Variants in HYDIN observed in about 807,000 individuals in gnomAD.
HYDIN encodes the protein axonemal central pair apparatus protein HYDIN.
In HYDIN, 132 loss-of-function variants were observed where a neutral mutation model predicts 403.9. The observed-to-expected ratio is 0.33, with a 90% CI of 0.28 to 0.38. The LOEUF (loss-of-function observed/expected upper bound fraction) is 0.38. Among genes scored for constraint, HYDIN ranks in the 10% least tolerant of loss-of-function variants. HYDIN has a pLI of 1.00. For missense variants in HYDIN, 2,827 were observed against 5,009.5 expected, an observed-to-expected ratio of 0.56 and a Z score of 13.15; for synonymous variants, 1,202 against 1,891.7, an observed-to-expected ratio of 0.64 and a Z score of 9.46.
chr16:70,834,905 CACACACATATAT>C (rs1156970924), intron 78 of HYDIN, among the ~76,000 whole-genome samples: 3 of 145,568 alleles, frequency 2.1e-5, no homozygotes, highest in Admixed American at 1.4e-4. Flanking sequence ...TATATATACA[CACACACATATAT>C]ACACACATAT....
chr16:71,134,272 T>C (rs528022309), intron 8 of HYDIN, among the ~76,000 whole-genome samples: 1 of 151,276 alleles, frequency 6.6e-6, no homozygotes, highest in Non-Finnish European at 1.5e-5. Context: ...CCACAGGACA[T>C]GCTTTAAGCT....
intron 21 of HYDIN, among the ~76,000 whole-genome samples, chr16:71,020,911 G>A (rs1206351903): frequency 6.6e-6 from 1 of 150,866 alleles, no homozygotes; most frequent in Non-Finnish European, 1.5e-5. Context: ...CCCCCTTGGT[G>A]CCTAATTGAG....
At chr16:71,182,508 G>A (rs781007110) in intron 3 of HYDIN, among the ~76,000 whole-genome samples, 4 of 152,050 alleles carry the variant, frequency 2.6e-5, no homozygotes, top group Non-Finnish European at 5.9e-5. Context: ...GTAAAATAGA[G>A]AGGCATCAGG....
intron 23 of HYDIN, among the ~76,000 whole-genome samples, chr16:70,998,169 A>T (rs1476993939): frequency 6.6e-6 from 1 of 152,260 alleles, no homozygotes; most frequent in South Asian, 2.1e-4. Context: ...ACATATACAG[A>T]TTGGTTTTAT....
At chr16:71,117,883 G>A (rs1218105541) in intron 9 of HYDIN, among the ~76,000 whole-genome samples, 9 of 151,980 alleles carry the variant, frequency 5.9e-5, no homozygotes, top group Admixed American at 3.9e-4. Context: ...TGCAGGCAGT[G>A]TCTTTCCTAA....
intron 4 of HYDIN, among the ~76,000 whole-genome samples, chr16:71,177,253 G>A (rs994034588): frequency 6.6e-6 from 1 of 152,188 alleles, no homozygotes; most frequent in Non-Finnish European, 1.5e-5. Context: ...AGGTCAGAGA[G>A]GATGCTTTGG....
At chr16:71,130,109 T>A (rs2084645014) in intron 8 of HYDIN, among the ~76,000 whole-genome samples, 1 of 152,398 alleles carries the variant, frequency 6.6e-6, no homozygotes, top group East Asian at 1.9e-4. Flanking sequence ...TCTGGACAAA[T>A]ATTTTCTTTC....
chr16:70,903,240 T>C (rs1351145774), intron 52 of HYDIN, among the ~76,000 whole-genome samples: 1 of 106,508 alleles, frequency 9.4e-6, no homozygotes, highest in Non-Finnish European at 2.0e-5. Flanking sequence ...AATGAATATG[T>C]AAGTTCTAGT....
intron 15 of HYDIN, among the ~76,000 whole-genome samples, chr16:71,065,528 C>T (rs2144287499): frequency 6.6e-6 from 1 of 152,266 alleles, no homozygotes; most frequent in Middle Eastern, 3.4e-3. Flanking sequence ...CTATCCTACC[C>T]TTTGCCATTG....
chr16:71,194,987 T>C (rs1474599715), intron 1 of HYDIN, among the ~76,000 whole-genome samples: 1 of 152,216 alleles, frequency 6.6e-6, no homozygotes, highest in Admixed American at 6.5e-5. Context: ...GTGTTCTTTT[T>C]GACCCAGAAG....
At chr16:71,154,784 TG>T (rs1475363921) in intron 6 of HYDIN, among the ~76,000 whole-genome samples, 2 of 148,442 alleles carry the variant, frequency 1.3e-5, no homozygotes, top group East Asian at 4.0e-4. Flanking sequence ...GCCTGACCTC[TG>T]GAGCCAACCG....
At chr16:71,178,845 A>G in intron 4 of HYDIN, 83 bp downstream of exon 4, 1 of 1,157,226 alleles carries the variant, frequency 8.6e-7, no homozygotes, top group Admixed American at 2.5e-5. Context: ...AGAACTTATC[A>G]AAGATCCCTC....
chr16:71,178,464 T>C (rs142991289), intron 4 of HYDIN, among the ~76,000 whole-genome samples: 5,657 of 146,054 alleles, frequency 0.039, 396 homozygotes, highest in African/African-American at 0.13. Flanking sequence ...TATATATATA[T>C]ACACACACAC....
chr16:70,882,645 T>C lies in HYDIN; in HGVS notation c.10215+15A>G, dbSNP rs749577453. ...GTGAACCACGCTGGGCCAGGGGCCA[T>C]TGGGAGCGTCTTACCTTATTGGAGA... On this transcript the variant is annotated intron_variant, in intron 60 of 85. Coordinates refer to ENST00000393567, the MANE Select transcript of HYDIN (RefSeq NM_001270974.2). 8.5e-6 allele frequency: 13 copies of C among 1,531,716 alleles called. No individual in the cohort carries two copies. The Admixed American group carries it at 1.0e-4, about 12-fold the overall frequency. 94.9% of individuals were successfully genotyped at this position (1,531,716 alleles called of 1,614,324 possible). A position where few individuals can be genotyped will look rare whatever the true frequency, so the allele number is the denominator to read the frequency against.
At chr16:70,931,024 G>C (rs1280749760) in intron 45 of HYDIN, among the ~76,000 whole-genome samples, 2 of 151,938 alleles carry the variant, frequency 1.3e-5, no homozygotes, top group East Asian at 1.9e-4. Flanking sequence ...TGATCAGTAA[G>C]GCAGAAGGAA....
At chr16:71,152,544 A>T (rs1236160542) in intron 7 of HYDIN, 115 bp downstream of exon 7, 1 of 942,898 alleles carries the variant, frequency 1.1e-6, no homozygotes, top group African/African-American at 1.6e-5. Context: ...CACAAAATCC[A>T]TTGTATCATT....
Position 71,186,800 on chromosome 16 carries a change from C to G in HYDIN, c.96G>C (p.Leu32=), listed in dbSNP as rs766866965. 6.2e-7 allele frequency: 1 copy of G among 1,613,592 alleles called. No homozygotes were observed. The highest frequency in any genetic ancestry group is 8.5e-7 in the Non-Finnish European group (1 of 1,179,674). ...CTTCTTCTGTAACCACCTTTGGACT[C>G]AGGGGTGGCAAAACCTTGCTTTGAA... The part of the protein sequence containing the change: ...KGFQSKVLPP[L]SPKVVTEEEV... Residue 32 remains leucine (L), a synonymous_variant, in exon 2 of 86, where the codon CTG becomes CTC. Transcript: ENST00000393567.
At chr16:71,011,664 G>A (rs1334734211) in intron 23 of HYDIN, among the ~76,000 whole-genome samples, 1 of 152,146 alleles carries the variant, frequency 6.6e-6, no homozygotes, top group Non-Finnish European at 1.5e-5. Flanking sequence ...GTTTAAGGGT[G>A]TGGTGAACTA....
rs375107692 is a variant in HYDIN at position 70,882,652 on chromosome 16, C to T, written c.10215+8G>A. 151 of 1,526,460 alleles carry T rather than the reference C, an allele frequency of 9.9e-5. 1 individual carries two copies. The East Asian group carries it at 2.6e-3, about 26-fold the overall frequency. The allele number at this position is 1,526,460 out of a possible 1,614,324, so 94.6% of individuals were successfully genotyped here. ...ACGCTGGGCCAGGGGCCATTGGGAG[C>T]GTCTTACCTTATTGGAGATAGGCCT... On this transcript the variant is annotated splice_region_variant and intron_variant, in intron 60 of 85. Coordinates refer to ENST00000393567, the MANE Select transcript of HYDIN (RefSeq NM_001270974.2).
Sources: allele counts gnomAD v4.1 joint callset (sites outside exome capture counted in the v4.1 genomes callset), GRCh38; gene constraint gnomAD v4.1.1; transcripts MANE v1.5; gene names NCBI Gene and HGNC (gene_info 2026-07-23, HGNC 2026-07-21).